The following NLRP4 variants were observed in gnomAD, a reference collection of about 807,000 sequenced individuals.
NLRP4 encodes the protein NLR family pyrin domain containing 4, also known as NACHT, LRR and PYD domains-containing protein 4.
Under a neutral mutation model 84.7 loss-of-function variants are expected in NLRP4, and 44 were observed. The ratio of observed to expected loss-of-function variants is 0.52; its 90% CI spans 0.41 to 0.67. NLRP4 has a LOEUF of 0.67. Among genes scored for constraint, NLRP4 ranks in the 30% least tolerant of loss-of-function variants. The pLI is 0.00. For missense variants in NLRP4, 1,260 were observed against 1,219.4 expected (o/e 1.03, Z -0.50); for synonymous variants, 544 against 476.4 (o/e 1.14, Z -1.85).
intron 6 of NLRP4, among the ~76,000 whole-genome samples, chr19:55,870,358 T>C (rs1318199210): frequency 6.6e-6 from 1 of 152,204 alleles, no homozygotes; most frequent in Non-Finnish European, 1.5e-5. Context: ...TCTTCTATCA[T>C]GCAACTAAGA....
At chr19:55,873,436 A>G (rs1371053689) in intron 7 of NLRP4, among the ~76,000 whole-genome samples, 1 of 152,218 alleles carries the variant, frequency 6.6e-6, no homozygotes, top group Non-Finnish European at 1.5e-5. Flanking sequence ...GAAACAAGAT[A>G]TATATTTGAA....
intron 1 of NLRP4, among the ~76,000 whole-genome samples, chr19:55,849,993 G>T (rs200439387): frequency 0.031 from 364 of 11,850 alleles, 20 homozygotes; most frequent in Non-Finnish European, 0.058. Flanking sequence ...TAATTTCCGA[G>T]ACTGCGGTGT....
chr19:55,876,797 T>G (rs1985389772), intron 7 of NLRP4, among the ~76,000 whole-genome samples, 199 bp from the exon 8 acceptor site: 1 of 152,230 alleles, frequency 6.6e-6, no homozygotes, highest in South Asian at 2.1e-4. Context: ...TCGTTTGTAT[T>G]TTTTAGTGTT....
intron 2 of NLRP4, among the ~76,000 whole-genome samples, chr19:55,853,791 T>TTCTC (rs746686465): frequency 8.0e-6 from 1 of 124,518 alleles, no homozygotes; most frequent in Non-Finnish European, 1.6e-5. Context: ...CTGTCTCTCT[T>TTCTC]TCTCTCTCTC....
At position 55,857,823 on chromosome 19, in the gene NLRP4, G is replaced by T; in HGVS notation, c.430G>T (p.Ala144Ser). The T allele has an allele frequency of 6.2e-7, 1 of 1,613,772 alleles. No individual in the cohort carries two copies. The highest frequency in any genetic ancestry group is 8.5e-7 in the Non-Finnish European group (1 of 1,179,880). ...HLDRLFAPKE[A>S]GKQPRTVIIQ... ...GGACCGCCTTTTTGCTCCCAAGGAA[G>T]CTGGGAAACAGCCACGTACAGTGAT... Residue 144 changes from alanine to serine, a missense_variant, in exon 3 of 10, where the codon GCT becomes TCT. Physicochemically the swap from Ala to Ser is moderately conservative, Grantham distance 99. Transcript: ENST00000301295.
chr19:55,879,268 CAA>C (rs1985497717), intron 9 of NLRP4, among the ~76,000 whole-genome samples: 1 of 152,036 alleles, frequency 6.6e-6, no homozygotes, highest in Admixed American at 6.6e-5. Flanking sequence ...CGCAGATACA[CAA>C]AGAGTGAGGT....
chr19:55,865,096 C>CA (rs1984903534), intron 5 of NLRP4, among the ~76,000 whole-genome samples: 1 of 152,014 alleles, frequency 6.6e-6, no homozygotes, highest in Non-Finnish European at 1.5e-5. Context: ...CGTTAATAAG[C>CA]ATAGTACCTG....
intron 6 of NLRP4, among the ~76,000 whole-genome samples, chr19:55,868,250 C>A (rs1026156017): frequency 1.3e-5 from 2 of 152,120 alleles, no homozygotes; most frequent in African/African-American, 4.8e-5. Flanking sequence ...TTGGTGGGTA[C>A]TCAGGACAGT....
intron 9 of NLRP4, among the ~76,000 whole-genome samples, chr19:55,881,113 C>T (rs933941412): frequency 1.6e-5 from 2 of 127,920 alleles, no homozygotes; most frequent in Non-Finnish European, 3.4e-5. Context: ...TTGGAGCCAG[C>T]TCCTACAAGC....
At chr19:55,854,592 C>A (rs1568662108) in intron 2 of NLRP4, among the ~76,000 whole-genome samples, 1 of 152,090 alleles carries the variant, frequency 6.6e-6, no homozygotes, top group Non-Finnish European at 1.5e-5. Flanking sequence ...GGGAAATTTC[C>A]TTAATATTGA....
chr19:55,878,481 AG>A (rs796827151), intron 8 of NLRP4, among the ~76,000 whole-genome samples: 34,969 of 151,176 alleles, frequency 0.23, 69 homozygotes, highest in Middle Eastern at 0.3. Context: ...TTGTTATCTG[AG>A]ACGGCTTCAT....
intron 2 of NLRP4, among the ~76,000 whole-genome samples, chr19:55,853,787 CTCTTTCTCTCTCTCTCTCTTTCTCTT>C (rs1984272543): frequency 6.7e-6 from 1 of 148,310 alleles, no homozygotes; most frequent in Non-Finnish European, 1.5e-5. Context: ...CTTTCTGTCT[CTCTTTCTCTCTCTCTCTCTTTCTCTT>C]TCTTTCTTGC....
chr19:55,878,355 G>C (rs1231411760), intron 8 of NLRP4, among the ~76,000 whole-genome samples: 1 of 152,190 alleles, frequency 6.6e-6, no homozygotes. Flanking sequence ...AGCAGGTCAA[G>C]GCTGCAGTGA....
chr19:55,838,176 C>T (rs187322084), intron 1 of NLRP4, among the ~76,000 whole-genome samples: 4 of 151,612 alleles, frequency 2.6e-5, no homozygotes, highest in Non-Finnish European at 5.9e-5. Context: ...GTGGCGCATG[C>T]CTGTAATCCC....
At position 55,867,630 on chromosome 19, in the gene NLRP4, C is replaced by A; in HGVS notation, c.2187-79C>A. On this transcript the variant is annotated intron_variant, in intron 5 of 9. Transcript: ENST00000301295. ...TCAAGGACAGCAAATGTGGGCTTCC[C>A]GACTCTGACAGGATTGGCAAGAGGA... 3 of 1,347,762 alleles carry A rather than the reference C, an allele frequency of 2.2e-6. No homozygotes were observed. In the South Asian group the frequency reaches 3.9e-5, roughly 18 times the overall value. 83.5% of individuals were successfully genotyped at this position (1,347,762 alleles called of 1,614,324 possible).
rs1600220291 is a variant in NLRP4 at position 55,846,608 on chromosome 19, A to G, written c.-65-5408A>G. On this transcript the variant is annotated intron_variant, in intron 1 of 9. Transcript: ENST00000301295. ...GATATATAACTGATATTATATATCTAATATCATCACTAACTATTTGCCCAA... is the reference window on the plus strand; with the variant it reads ...GATATATAACTGATATTATATATCTGATATCATCACTAACTATTTGCCCAA... Among the ~76,000 whole-genome samples the G allele has an allele frequency of 2.0e-5, 3 of 152,314 alleles. No homozygotes were observed. The East Asian group carries it at 5.8e-4, about 29-fold the overall frequency.
At chr19:55,857,519 A>G (rs967594726) in intron 2 of NLRP4, 155 bp from the exon 3 acceptor site, 2 of 636,584 alleles carry the variant, frequency 3.1e-6, no homozygotes, top group Non-Finnish European at 5.4e-6. Flanking sequence ...GTGAGTTCTA[A>G]TGAAACTTTA....
Position 55,850,051 on chromosome 19 carries a change from GT to G in NLRP4, c.-65-1964del, listed in dbSNP as rs1220174290. 6.0e-4 allele frequency among the ~76,000 whole-genome samples: 87 copies of G among 144,102 alleles called. 9 individuals carry two copies. The highest frequency in any genetic ancestry group is 3.6e-3 in the Middle Eastern group (1 of 280). 94.5% of individuals were successfully genotyped at this position (144,102 alleles called of 152,430 possible). On this transcript the variant is annotated intron_variant, in intron 1 of 9. Transcript: ENST00000301295. ...TTTCCGAGACTGCGGTGTGATTTCC[GT>G]AGCTGCGGTGGAATTTCCGAGACTG...
chr19:55,878,275 C>T (rs1265219692), intron 8 of NLRP4, among the ~76,000 whole-genome samples: 2 of 149,548 alleles, frequency 1.3e-5, no homozygotes, highest in African/African-American at 4.9e-5. Flanking sequence ...CAAAAATTAG[C>T]CCGCAGGCGT....
Sources: gnomAD v4.1 joint callset for allele counts (sites outside exome capture counted in the v4.1 genomes callset) on GRCh38, gnomAD v4.1.1 for gene constraint, MANE v1.5 for transcripts, NCBI Gene and HGNC (gene_info 2026-07-23, HGNC 2026-07-21) for gene names.